The following THNSL1 variants were observed in gnomAD, a reference collection of about 807,000 sequenced individuals.
The protein encoded by THNSL1 is threonine synthase like 1.
THNSL1 carries 48 observed loss-of-function variants against 50.4 expected under a neutral mutation model. The observed-to-expected ratio is 0.95, with a 90% CI of 0.76 to 1.21. The LOEUF is 1.21. THNSL1 is among the 50% of genes most tolerant of loss of function. THNSL1 has a pLI of 0.00. For synonymous variants in THNSL1, 309 were observed against 306.1 expected (o/e 1.01, Z -0.10); for missense variants, 896 against 871.7 (o/e 1.03, Z -0.35).
At chr10:24,989,199 T>C in the THNSL1 span, among the ~76,000 whole-genome samples, 1 of 152,186 alleles carries the variant, frequency 6.6e-6, no homozygotes, top group Non-Finnish European at 1.5e-5. Context: ...AGAGACAGAA[T>C]GGGCCACAGA....
chr10:24,977,778 A>C, the THNSL1 span, among the ~76,000 whole-genome samples: 1 of 152,190 alleles, frequency 6.6e-6, no homozygotes, highest in African/African-American at 2.4e-5. Context: ...TTTTTATACA[A>C]TATTTATAGA....
the THNSL1 span, among the ~76,000 whole-genome samples, chr10:24,955,628 G>A: frequency 6.6e-6 from 1 of 152,090 alleles, no homozygotes; most frequent in East Asian, 1.9e-4. Context: ...TATTCCATGT[G>A]AAAATGACAA....
At chr10:24,952,443 C>G in the THNSL1 span, 2 of 1,453,574 alleles carry the variant, frequency 1.4e-6, no homozygotes, top group South Asian at 1.2e-5. This position sits in a 1 kb window ranked among gnomAD's most constrained non-coding sequence, Gnocchi z 5.1. Context: ...TCTCCCCCGA[C>G]GCACGGCAAG....
chr10:24,982,978 C>G, the THNSL1 span: 1 of 152,118 alleles, frequency 6.6e-6, no homozygotes, highest in Admixed American at 6.5e-5. Flanking sequence ...TTTTGCATTG[C>G]TACTGATTTT....
At chr10:25,010,350 A>C in the THNSL1 span, among the ~76,000 whole-genome samples, 1 of 152,174 alleles carries the variant, frequency 6.6e-6, no homozygotes, top group Non-Finnish European at 1.5e-5. Context: ...GAAATTTCTA[A>C]GCGGCAAAAC....
chr10:24,962,780 T>A, the THNSL1 span, among the ~76,000 whole-genome samples: 1 of 152,200 alleles, frequency 6.6e-6, no homozygotes, highest in African/African-American at 2.4e-5. Context: ...CTCAGCAAAA[T>A]GATCATGATC....
chr10:24,960,911 G>C, the THNSL1 span, among the ~76,000 whole-genome samples: 2 of 152,092 alleles, frequency 1.3e-5, no homozygotes, highest in Non-Finnish European at 2.9e-5. Context: ...TTTCTAACTA[G>C]GCATCTCTTA....
At chr10:24,983,465 A>G in the THNSL1 span, 1 of 152,208 alleles carries the variant, frequency 6.6e-6, no homozygotes, top group Non-Finnish European at 1.5e-5. Context: ...TTTGGAGTGT[A>G]CTGTCACAGC....
intron 1 of THNSL1, among the ~76,000 whole-genome samples, chr10:25,018,975 G>A (rs1202202945): frequency 6.6e-6 from 1 of 152,190 alleles, no homozygotes; most frequent in Non-Finnish European, 1.5e-5. Context: ...AACTATACTG[G>A]ATTGTGTGGT....
upstream of THNSL1, among the ~76,000 whole-genome samples, chr10:25,012,652 G>A (rs922161657): frequency 3.9e-5 from 6 of 152,160 alleles, no homozygotes; most frequent in Non-Finnish European, 7.3e-5. Context: ...CTGCTATTTC[G>A]AATGGTTATA....
At chr10:24,988,718 A>ATATATATATATG in the THNSL1 span, among the ~76,000 whole-genome samples, 7 of 47,710 alleles carry the variant, frequency 1.5e-4, no homozygotes, top group African/African-American at 7.1e-4. Context: ...ATATATATAT[A>ATATATATATATG]TATATATATT....
At position 25,024,962 on chromosome 10, in the gene THNSL1, C is replaced by G. The variant is rs1850818038; in HGVS notation, c.1739C>G (p.Ala580Gly). ...CTAGAACGACATTTACACTTGATGG[C>G]TAATAAAGATGGACAGCTAATGACA... is the stretch of plus-strand genomic sequence containing the variant. Reference protein sequence around the residue: ...SNLERHLHLMANKDGQLMTEL... With the variant: ...SNLERHLHLMGNKDGQLMTEL... The change falls in exon 3 of 3, where the codon GCT (alanine) becomes GGT (glycine). Residue 580 changes from alanine to glycine, a missense_variant. By Grantham distance (60) the Ala-to-Gly change is moderately conservative. Transcript: ENST00000376356. The G allele has an allele frequency of 6.2e-7, 1 of 1,614,078 alleles. No homozygotes were observed.
chr10:25,002,356 T>C, the THNSL1 span, among the ~76,000 whole-genome samples: 6 of 152,358 alleles, frequency 3.9e-5, no homozygotes, highest in African/African-American at 1.4e-4. Context: ...TCTGGTACTC[T>C]GTGCTGTGAA....
At chr10:24,989,567 T>C in the THNSL1 span, among the ~76,000 whole-genome samples, 1 of 152,204 alleles carries the variant, frequency 6.6e-6, no homozygotes, top group South Asian at 2.1e-4. Flanking sequence ...ACTAATTAAA[T>C]TGCACAATAC....
chr10:25,024,170 C>T lies in THNSL1; in HGVS notation c.947C>T (p.Thr316Ile), dbSNP rs76713706. Reference sequence around the variant, plus strand: ...GCCAGGTTGGGAGAAATGATTGAAACTGCTTATGGGGAAAACTTTGCCTGC... The same window carrying T: ...GCCAGGTTGGGAGAAATGATTGAAATTGCTTATGGGGAAAACTTTGCCTGC... ...PAARLGEMIE[T>I]AYGENFACSK... Residue 316 changes from threonine to isoleucine, a missense_variant, in exon 3 of 3, where the codon ACT becomes ATT. By Grantham distance (89) the Thr-to-Ile change is moderately conservative. Transcript: ENST00000376356. The T allele has an allele frequency of 1.3e-3, 2,134 of 1,614,206 alleles. 31 individuals carry two copies. The African/African-American group carries it at 0.025, about 19-fold the overall frequency.
the THNSL1 span, among the ~76,000 whole-genome samples, chr10:24,959,535 A>G: frequency 6.6e-6 from 1 of 152,222 alleles, no homozygotes; most frequent in African/African-American, 2.4e-5. Flanking sequence ...GTTTTGATTC[A>G]TTAGGTTTGA....
chr10:24,967,930 G>A, the THNSL1 span, among the ~76,000 whole-genome samples: 90 of 149,388 alleles, frequency 6.0e-4, no homozygotes, highest in Middle Eastern at 3.5e-3. Flanking sequence ...TGTATGATGT[G>A]TGTGTATATG....
the THNSL1 span, among the ~76,000 whole-genome samples, chr10:25,004,980 G>T: frequency 6.6e-6 from 1 of 152,108 alleles, no homozygotes; most frequent in Non-Finnish European, 1.5e-5. Flanking sequence ...TCTGCATATG[G>T]CTAGCCAGTT....
At chr10:25,005,389 C>T in the THNSL1 span, among the ~76,000 whole-genome samples, 1 of 152,200 alleles carries the variant, frequency 6.6e-6, no homozygotes, top group South Asian at 2.1e-4. Context: ...TTTTAAAAAC[C>T]ATTTATTTCA....
Sources: allele counts gnomAD v4.1 joint callset (sites outside exome capture counted in the v4.1 genomes callset), GRCh38; gene constraint gnomAD v4.1.1; non-coding constraint Gnocchi (gnomAD v3.1); transcripts MANE v1.5; gene names NCBI Gene and HGNC (gene_info 2026-07-23, HGNC 2026-07-21).